The following CNTN5 variants were observed in gnomAD, a reference collection of about 807,000 sequenced individuals.
CNTN5 encodes the protein contactin 5.
Under a neutral mutation model 129.1 loss-of-function variants are expected in CNTN5, and 77 were observed. The ratio of observed to expected loss-of-function variants is 0.60; its 90% CI spans 0.50 to 0.72. The LOEUF (loss-of-function observed/expected upper bound fraction) is 0.72. Ranked by LOEUF, CNTN5 falls within the 30% of genes least tolerant of loss-of-function variation. The pLI is 0.00. For synonymous variants in CNTN5, 509 were observed against 465.6 expected (o/e 1.09, Z -1.20); for missense variants, 1,478 against 1,328.8 (o/e 1.11, Z -1.75).
intron 6 of CNTN5, among the ~76,000 whole-genome samples, chr11:99,855,331 A>T (rs557156366): frequency 6.6e-6 from 1 of 152,100 alleles, no homozygotes; most frequent in African/African-American, 2.4e-5. Context: ...AACAACAACA[A>T]CAACAAAACT....
intron 3 of CNTN5, among the ~76,000 whole-genome samples, chr11:99,787,149 G>A (rs1178898600): frequency 6.7e-6 from 1 of 150,086 alleles, no homozygotes; most frequent in Admixed American, 6.6e-5. Context: ...AAGTTTTAGG[G>A]TACATGTGCA....
At chr11:99,212,490 C>A (rs2135673498) in intron 1 of CNTN5, among the ~76,000 whole-genome samples, 2 of 152,242 alleles carry the variant, frequency 1.3e-5, no homozygotes, top group Admixed American at 1.3e-4. Flanking sequence ...TGCGGTTCTT[C>A]TGCTTAAATG....
intron 3 of CNTN5, among the ~76,000 whole-genome samples, chr11:99,785,598 A>C (rs1031209380): frequency 6.6e-6 from 1 of 152,288 alleles, no homozygotes; most frequent in Non-Finnish European, 1.5e-5. Context: ...ATCCTCAATA[A>C]AATCACTAGC....
At chr11:99,303,529 G>A (rs979829735) in intron 1 of CNTN5, among the ~76,000 whole-genome samples, 2 of 150,154 alleles carry the variant, frequency 1.3e-5, no homozygotes, top group African/African-American at 4.9e-5. Flanking sequence ...AATGGCACAC[G>A]AGATTAAAAC....
At position 99,682,348 on chromosome 11, in the gene CNTN5, C is replaced by T. The variant is rs1033760008; in HGVS notation, c.55+126079C>T. Reference sequence around the variant, plus strand: ...ATAGAAAGATATTAATTGTGGGGTACGTCATAGGTGAGTCAAAGAATACTA... The same window carrying T: ...ATAGAAAGATATTAATTGTGGGGTATGTCATAGGTGAGTCAAAGAATACTA... On this transcript the variant is annotated intron_variant, in intron 3 of 24. Transcript: ENST00000524871. Among the ~76,000 whole-genome samples, 91 of 151,520 alleles carry T rather than the reference C, an allele frequency of 6.0e-4. 3 individuals are homozygous for T. Among genetic ancestry groups the T allele is most frequent in the African/African-American group, 1.7e-3 (72 of 41,252 alleles).
At chr11:99,137,694 A>G (rs1859301648) in intron 1 of CNTN5, among the ~76,000 whole-genome samples, 1 of 152,156 alleles carries the variant, frequency 6.6e-6, no homozygotes, top group South Asian at 2.1e-4. Flanking sequence ...TCACCTTAAG[A>G]CACCCTCACC....
At chr11:99,908,493 A>C (rs1949569862) in intron 6 of CNTN5, among the ~76,000 whole-genome samples, 1 of 152,036 alleles carries the variant, frequency 6.6e-6, no homozygotes, top group African/African-American at 2.4e-5. Flanking sequence ...ATTTTTAGTC[A>C]ATTAAGACTG....
intron 2 of CNTN5, among the ~76,000 whole-genome samples, chr11:99,532,859 C>G (rs542463246): frequency 6.6e-6 from 1 of 152,242 alleles, no homozygotes; most frequent in South Asian, 2.1e-4. Flanking sequence ...TGAAAATGGA[C>G]TAGTACAGGT....
Position 100,293,928 on chromosome 11 carries a change from T to A in CNTN5, c.2315-3697T>A, listed in dbSNP as rs573192332. 4.5e-4 allele frequency among the ~76,000 whole-genome samples: 69 copies of A among 151,888 alleles called. 2 individuals are homozygous for A. The South Asian group carries it at 7.7e-3, about 17-fold the overall frequency. On this transcript the variant is annotated intron_variant, in intron 18 of 24. Transcript: ENST00000524871. Reference sequence around the variant, plus strand: ...CTAAGCCTGAGTTAGAATCAATTAATTGAAATTTTCCTGTGCTACATACTT... The same window carrying A: ...CTAAGCCTGAGTTAGAATCAATTAAATGAAATTTTCCTGTGCTACATACTT...
intron 3 of CNTN5, among the ~76,000 whole-genome samples, chr11:99,699,180 A>G (rs1339887012): frequency 1.3e-5 from 2 of 151,428 alleles, no homozygotes; most frequent in Non-Finnish European, 3.0e-5. Context: ...ATTTCTTACA[A>G]AAGCAAATCC....
At chr11:100,231,706 G>A (rs1949493500) in intron 16 of CNTN5, among the ~76,000 whole-genome samples, 2 of 152,104 alleles carry the variant, frequency 1.3e-5, no homozygotes, top group Non-Finnish European at 2.9e-5. Context: ...GGAGATAAGT[G>A]GATTTGTAGT....
intron 2 of CNTN5, among the ~76,000 whole-genome samples, chr11:99,432,642 A>T (rs1943435733): frequency 6.6e-6 from 1 of 151,922 alleles, no homozygotes; most frequent in African/African-American, 2.4e-5. Flanking sequence ...AGGGCAAGTG[A>T]GAGCGAAAAG....
At chr11:99,903,575 G>A (rs1478102037) in intron 6 of CNTN5, among the ~76,000 whole-genome samples, 1 of 152,024 alleles carries the variant, frequency 6.6e-6, no homozygotes, top group African/African-American at 2.4e-5. Context: ...CATCTAGAGG[G>A]GCTGTTCTAA....
chr11:99,045,651 A>G (rs908051945), intron 1 of CNTN5, among the ~76,000 whole-genome samples: 1 of 152,236 alleles, frequency 6.6e-6, no homozygotes, highest in Non-Finnish European at 1.5e-5. Flanking sequence ...TCTCAGGATT[A>G]TTGCCAGATA....
intron 3 of CNTN5, among the ~76,000 whole-genome samples, chr11:99,644,830 G>A (rs968001224): frequency 3.3e-5 from 5 of 151,966 alleles, no homozygotes; most frequent in African/African-American, 1.2e-4. Flanking sequence ...CTATACAACA[G>A]GATTCCTTTT....
At chr11:99,366,970 C>T (rs1320921211) in intron 2 of CNTN5, among the ~76,000 whole-genome samples, 1 of 152,066 alleles carries the variant, frequency 6.6e-6, no homozygotes, top group Admixed American at 6.6e-5. Context: ...AGATAGGGCT[C>T]ATCGTAAGCT....
At chr11:100,355,182 C>A (rs554067786) in intron 24 of CNTN5, among the ~76,000 whole-genome samples, 3 of 151,666 alleles carry the variant, frequency 2.0e-5, no homozygotes, top group African/African-American at 7.2e-5. Flanking sequence ...ATTCTATAAA[C>A]TTTTTAATAT....
chr11:99,598,138 G>A (rs1431991272), intron 3 of CNTN5, among the ~76,000 whole-genome samples: 2 of 152,028 alleles, frequency 1.3e-5, no homozygotes, highest in Non-Finnish European at 2.9e-5. Flanking sequence ...TACATATTGT[G>A]GGGAGGTATG....
At position 100,340,545 on chromosome 11, in the gene CNTN5, C is replaced by T; in HGVS notation, c.2813C>T (p.Thr938Ile). 6.2e-7 allele frequency: 1 copy of T among 1,612,876 alleles called. No homozygotes were observed. Among genetic ancestry groups the T allele is most frequent in the Admixed American group, 1.7e-5 (1 of 59,936 alleles). Residue 938 changes from threonine to isoleucine, a missense_variant, in exon 22 of 25, where the codon ACA becomes ATA. Coordinates refer to ENST00000524871, the MANE Select transcript of CNTN5 (RefSeq NM_014361.4). Reference sequence around the variant, plus strand: ...GGGAATGAGTCTTTCGTCATCCTAACAGGATTAGAAGGAAATACGTTATAT... The same window carrying T: ...GGGAATGAGTCTTTCGTCATCCTAATAGGATTAGAAGGAAATACGTTATAT... ...TRGNESFVIL[T>I]GLEGNTLYHF...
Sources: gnomAD v4.1 joint callset for allele counts (sites outside exome capture counted in the v4.1 genomes callset) on GRCh38, gnomAD v4.1.1 for gene constraint, MANE v1.5 for transcripts, NCBI Gene and HGNC (gene_info 2026-07-23, HGNC 2026-07-21) for gene names.